SRPK2: variants seen among roughly 807,000 people sequenced by gnomAD.
SRPK2 encodes the protein SFRS protein kinase 2.
A neutral mutation model predicts 90.8 loss-of-function variants in SRPK2; 21 were observed. That is an observed-to-expected ratio of 0.23 (90% CI 0.16 to 0.33). SRPK2 has a LOEUF of 0.33. Among genes scored for constraint, SRPK2 ranks in the 10% least tolerant of loss-of-function variants. The pLI is 1.00. For missense variants in SRPK2, 620 were observed against 869.0 expected, an observed-to-expected ratio of 0.71 and a Z score of 3.60; for synonymous variants, 288 against 311.1, an observed-to-expected ratio of 0.93 and a Z score of 0.78.
intron 2 of SRPK2, among the ~76,000 whole-genome samples, chr7:105,314,665 T>C (rs1585669166): frequency 1.3e-5 from 2 of 152,294 alleles, no homozygotes; most frequent in East Asian, 3.9e-4. Flanking sequence ...ATTGCAGGCG[T>C]TAGCCACCAT....
At chr7:105,203,280 G>A (rs1274533088) in intron 3 of SRPK2, among the ~76,000 whole-genome samples, 4 of 152,052 alleles carry the variant, frequency 2.6e-5, no homozygotes, top group Admixed American at 2.0e-4. Context: ...TTCAGCCACC[G>A]CACTGGCCCA....
intron 2 of SRPK2, among the ~76,000 whole-genome samples, chr7:105,364,296 TAAC>T (rs1442438357): frequency 6.6e-6 from 1 of 152,150 alleles, no homozygotes; most frequent in African/African-American, 2.4e-5. Flanking sequence ...GCTTTTTCTG[TAAC>T]AACAATGGTA....
intron 2 of SRPK2, among the ~76,000 whole-genome samples, chr7:105,359,077 C>A (rs1818128487): frequency 6.6e-6 from 1 of 151,832 alleles, no homozygotes; most frequent in East Asian, 1.9e-4. Context: ...CACCAGGCCC[C>A]ACCACCAACA....
chr7:105,248,925 C>CA (rs374019072), intron 2 of SRPK2, among the ~76,000 whole-genome samples: 9,600 of 111,054 alleles, frequency 0.086, 440 homozygotes, highest in East Asian at 0.23. Flanking sequence ...AGCTCCATCT[C>CA]AAAAAAAAAA....
chr7:105,187,331 T>C (rs1296951045), intron 3 of SRPK2, among the ~76,000 whole-genome samples: 2 of 152,216 alleles, frequency 1.3e-5, no homozygotes, highest in Non-Finnish European at 2.9e-5. Flanking sequence ...CCTAGAAATA[T>C]GCCCAGATAT....
At chr7:105,170,497 A>G (rs963729434) in intron 3 of SRPK2, among the ~76,000 whole-genome samples, 2 of 151,948 alleles carry the variant, frequency 1.3e-5, no homozygotes, top group African/African-American at 2.4e-5. Flanking sequence ...GTTCAAGACC[A>G]GCCTGGCCAA....
chr7:105,124,832 T>C (rs2129573054), intron 15 of SRPK2, among the ~76,000 whole-genome samples: 1 of 151,260 alleles, frequency 6.6e-6, no homozygotes, highest in Admixed American at 6.6e-5. Flanking sequence ...ACTACACTCA[T>C]CACAAAAAAG....
chr7:105,388,512 A>C, intron 2 of SRPK2, 136 bp downstream of exon 2: 5 of 448,298 alleles, frequency 1.1e-5, no homozygotes, highest in Non-Finnish European at 1.6e-5. Flanking sequence ...CGCCGGGGGC[A>C]GGAGCCGAGC....
intron 2 of SRPK2, among the ~76,000 whole-genome samples, chr7:105,366,003 C>A (rs1427160392): frequency 1.3e-5 from 2 of 151,888 alleles, no homozygotes; most frequent in African/African-American, 2.4e-5. Context: ...TACAGGCGCA[C>A]GCTACCACGC....
At chr7:105,174,105 C>T (rs1021936746) in intron 3 of SRPK2, among the ~76,000 whole-genome samples, 36 of 150,512 alleles carry the variant, frequency 2.4e-4, no homozygotes, top group African/African-American at 8.0e-4. Flanking sequence ...AAACTCTTAT[C>T]GGATTACAAA....
chr7:105,271,674 G>A (rs1053210829), intron 2 of SRPK2, among the ~76,000 whole-genome samples: 1 of 152,118 alleles, frequency 6.6e-6, no homozygotes, highest in Admixed American at 6.6e-5. Flanking sequence ...CTTGGCTATC[G>A]ACTCCAGGCT....
intron 2 of SRPK2, among the ~76,000 whole-genome samples, chr7:105,247,558 A>ACACACACACACACACACC: frequency 6.7e-6 from 1 of 148,386 alleles, no homozygotes; most frequent in African/African-American, 2.5e-5. Context: ...ACACACACAC[A>ACACACACACACACACACC]CACAGAAGTT....
Position 105,287,192 on chromosome 7 carries a change from C to T in SRPK2, c.72-83407G>A, listed in dbSNP as rs572231364. Among the ~76,000 whole-genome samples the T allele has an allele frequency of 3.0e-3, 387 of 128,410 alleles. 1 individual carries two copies. Among genetic ancestry groups the T allele is most frequent in the African/African-American group, 0.01 (352 of 33,712 alleles). The allele number at this position is 128,410 out of a possible 152,430, so 84.2% of individuals were successfully genotyped here. On this transcript the variant is annotated intron_variant, in intron 2 of 15. Coordinates refer to ENST00000393651, the MANE Select transcript of SRPK2 (RefSeq NM_182692.3). ...AGGAGAATGGCGTGAACCCGGGAGG[C>T]GGAGCTTGCAGTGAGCCGAGATCCC...
intron 3 of SRPK2, among the ~76,000 whole-genome samples, chr7:105,175,984 G>A (rs1791791189): frequency 6.6e-6 from 1 of 152,072 alleles, no homozygotes; most frequent in Non-Finnish European, 1.5e-5. Context: ...TTGATCCTAT[G>A]AAGCCAGCAT....
At chr7:105,193,086 T>G (rs1446624335) in intron 3 of SRPK2, among the ~76,000 whole-genome samples, 1 of 152,254 alleles carries the variant, frequency 6.6e-6, no homozygotes, top group East Asian at 1.9e-4. Context: ...ACATTTGCAT[T>G]TAGGTTCTTG....
chr7:105,153,951 A>C (rs1169789728), intron 7 of SRPK2, among the ~76,000 whole-genome samples: 1 of 152,240 alleles, frequency 6.6e-6, no homozygotes. Flanking sequence ...ACAGTGAAAC[A>C]CACAAGGCAG....
chr7:105,351,340 A>T (rs1012925023), intron 2 of SRPK2, among the ~76,000 whole-genome samples: 1 of 151,992 alleles, frequency 6.6e-6, no homozygotes, highest in Non-Finnish European at 1.5e-5. Flanking sequence ...TTTTCTTTAT[A>T]AATTACCCAG....
rs375849649 is a variant in SRPK2, at chr7:105,336,325, T to G, written c.71+52323A>C. 1.6e-4 allele frequency among the ~76,000 whole-genome samples: 25 copies of G among 152,344 alleles called. No homozygotes were observed. In the South Asian group the frequency reaches 5.0e-3, roughly 30 times the overall value. On this transcript the variant is annotated intron_variant, in intron 2 of 15. Coordinates refer to ENST00000393651, the MANE Select transcript of SRPK2 (RefSeq NM_182692.3). ...CCTCACAAAATGGTGGCTTGACTTT[T>G]GACAGTATCTTCACTCAAATTTTTC...
Position 105,366,366 on chromosome 7 carries a change from C to CTT in SRPK2, c.71+22281_71+22282insAA, listed in dbSNP as rs1181760107. On this transcript the variant is annotated intron_variant, in intron 2 of 15. Coordinates refer to ENST00000393651, the MANE Select transcript of SRPK2 (RefSeq NM_182692.3). ...AATTGTATTAGCATCTACAGGTATGCCTTTTTTTTTTTTTTCTTTTTGAGA... is the reference window on the plus strand; with the variant it reads ...AATTGTATTAGCATCTACAGGTATGCTTCTTTTTTTTTTTTTTCTTTTTGAGA... 1.9e-3 allele frequency among the ~76,000 whole-genome samples: 57 copies of CTT among 29,764 alleles called. 1 individual carries two copies. Among genetic ancestry groups the CTT allele is most frequent in the Non-Finnish European group, 2.9e-3 (48 of 16,422 alleles). The allele number at this position is 29,764 out of a possible 152,430, so 19.5% of individuals were successfully genotyped here. A position where few individuals can be genotyped will look rare whatever the true frequency, so the allele number is the denominator to read the frequency against.
Sources: gnomAD v4.1 joint callset for allele counts (sites outside exome capture counted in the v4.1 genomes callset) on GRCh38, gnomAD v4.1.1 for gene constraint, MANE v1.5 for transcripts, NCBI Gene and HGNC (gene_info 2026-07-23, HGNC 2026-07-21) for gene names.